Variants in ITFG1 observed in about 807,000 individuals in gnomAD.
ITFG1 encodes the protein T-cell immunomodulatory protein.
In ITFG1, 34 loss-of-function variants were observed where a neutral mutation model predicts 81.8. The observed-to-expected ratio is 0.42, with a 90% CI of 0.32 to 0.55. The LOEUF (loss-of-function observed/expected upper bound fraction) is 0.55, where lower values mean the gene tolerates loss of function less well. Among genes scored for constraint, ITFG1 ranks in the 20% least tolerant of loss-of-function variants. The pLI is 0.17. For synonymous variants in ITFG1, 285 were observed against 270.6 expected (o/e 1.05, Z -0.52); for missense variants, 672 against 755.4 (o/e 0.89, Z 1.29).
intron 5 of ITFG1, chr16:47,449,450 C>T (rs1157483223): frequency 6.6e-6 from 1 of 152,096 alleles, no homozygotes; most frequent in Non-Finnish European, 1.5e-5. Context: ...TATTTGCTGC[C>T]ACAGGGGCAT....
intron 13 of ITFG1, among the ~76,000 whole-genome samples, chr16:47,234,053 G>C (rs74602511): frequency 0.043 from 6,576 of 152,276 alleles, 205 homozygotes; most frequent in Middle Eastern, 0.092. Context: ...GTCTACCTTA[G>C]TTCCCTTTGC....
chr16:47,451,058 T>C (rs1325307980), intron 5 of ITFG1, among the ~76,000 whole-genome samples: 1 of 152,158 alleles, frequency 6.6e-6, no homozygotes, highest in South Asian at 2.1e-4. Flanking sequence ...CTAACATGAC[T>C]AAGGTACTAA....
intron 6 of ITFG1, among the ~76,000 whole-genome samples, chr16:47,418,774 T>C (rs1022168638): frequency 2.0e-5 from 3 of 152,224 alleles, no homozygotes; most frequent in Admixed American, 1.3e-4. Flanking sequence ...TTGTTTTGGT[T>C]ACTATAACTT....
intron 8 of ITFG1, among the ~76,000 whole-genome samples, chr16:47,337,338 G>A (rs923745166): frequency 4.6e-5 from 7 of 152,022 alleles, no homozygotes; most frequent in African/African-American, 7.2e-5. Flanking sequence ...TTGGGAGGCC[G>A]AGGCAGGCAG....
chr16:47,269,608 C>T (rs1336593082), intron 10 of ITFG1, among the ~76,000 whole-genome samples: 3 of 144,556 alleles, frequency 2.1e-5, no homozygotes, highest in African/African-American at 7.7e-5. Flanking sequence ...AAACTAGAAA[C>T]ACTGTTAAAA....
intron 2 of ITFG1, 121 bp from the exon 3 acceptor site, chr16:47,454,279 T>A (rs1969424613): frequency 1.2e-6 from 1 of 806,006 alleles, no homozygotes; most frequent in South Asian, 1.6e-5. Context: ...ACTGACTGAT[T>A]GCCTTCTCTT....
At chr16:47,296,380 T>C (rs1023133591) in intron 10 of ITFG1, among the ~76,000 whole-genome samples, 1 of 152,164 alleles carries the variant, frequency 6.6e-6, no homozygotes, top group Non-Finnish European at 1.5e-5. Flanking sequence ...TTTAATTTCA[T>C]TGTTGATCCA....
At chr16:47,309,817 C>T (rs911015738) in intron 10 of ITFG1, among the ~76,000 whole-genome samples, 1 of 152,132 alleles carries the variant, frequency 6.6e-6, no homozygotes. Context: ...AACAAAAACA[C>T]TGTTGATAAA....
intron 14 of ITFG1, among the ~76,000 whole-genome samples, chr16:47,171,725 GTGTTT>G (rs1288360916): frequency 6.6e-6 from 1 of 151,668 alleles, no homozygotes; most frequent in Admixed American, 6.6e-5. Flanking sequence ...GGTTTTGTTT[GTGTTT>G]TGTTTTTAGT....
chr16:47,325,840 C>T (rs1004494845), intron 8 of ITFG1, among the ~76,000 whole-genome samples: 2 of 152,064 alleles, frequency 1.3e-5, no homozygotes, highest in Non-Finnish European at 2.9e-5. Context: ...AAATAGCTTA[C>T]CAACCAAAAA....
At chr16:47,279,376 T>C (rs1444531382) in intron 10 of ITFG1, among the ~76,000 whole-genome samples, 1 of 152,108 alleles carries the variant, frequency 6.6e-6, no homozygotes, top group Non-Finnish European at 1.5e-5. Context: ...TCCAATACCA[T>C]CTGTTATAAA....
chr16:47,439,833 C>T (rs980548747), intron 5 of ITFG1, among the ~76,000 whole-genome samples: 5 of 152,204 alleles, frequency 3.3e-5, no homozygotes, highest in Admixed American at 6.5e-5. Context: ...TCACACATAA[C>T]AATACTAACC....
chr16:47,182,498 G>A (rs1029746249), intron 14 of ITFG1, among the ~76,000 whole-genome samples: 1 of 151,988 alleles, frequency 6.6e-6, no homozygotes, highest in Non-Finnish European at 1.5e-5. Context: ...TGACCCCCTT[G>A]AGCCTTAGTT....
intron 8 of ITFG1, among the ~76,000 whole-genome samples, chr16:47,352,739 C>T (rs1432629166): frequency 6.6e-6 from 1 of 152,138 alleles, no homozygotes; most frequent in African/African-American, 2.4e-5. Context: ...AATCATGCTG[C>T]TATAAAGACA....
chr16:47,178,953 A>G (rs376381966), intron 14 of ITFG1, among the ~76,000 whole-genome samples: 2 of 151,900 alleles, frequency 1.3e-5, no homozygotes, highest in South Asian at 2.1e-4. Flanking sequence ...AGACATTTAT[A>G]CAGCCAACAG....
rs1420804816 is a variant in ITFG1, at chr16:47,311,512, A to C, written c.898-100T>G. On this transcript the variant is annotated intron_variant, in intron 9 of 17. Transcript: ENST00000320640. ...CCATTAAGTTTTCAAGATAAGCATT[A>C]TTTTACTTAACTTTTTTATCTCTAC... is the stretch of plus-strand genomic sequence containing the variant. The C allele has an allele frequency of 4.4e-6, 4 of 905,378 alleles. No homozygotes were observed. The East Asian group carries it at 1.1e-4, about 26-fold the overall frequency. 56.1% of individuals were successfully genotyped at this position (905,378 alleles called of 1,614,324 possible). A position where few individuals can be genotyped will look rare whatever the true frequency, so the allele number is the denominator to read the frequency against.
intron 14 of ITFG1, among the ~76,000 whole-genome samples, chr16:47,166,487 A>T (rs1206929541): frequency 6.6e-6 from 1 of 152,218 alleles, no homozygotes; most frequent in Admixed American, 6.5e-5. Flanking sequence ...AGTATTATTT[A>T]TGAGTATTTA....
chr16:47,340,151 T>C (rs1007328600), intron 8 of ITFG1, among the ~76,000 whole-genome samples: 2 of 151,888 alleles, frequency 1.3e-5, no homozygotes, highest in Admixed American at 6.6e-5. Flanking sequence ...TATTCCCAGA[T>C]AAAGGCGGAG....
chr16:47,269,507 G>GA (rs909630062), intron 10 of ITFG1, among the ~76,000 whole-genome samples: 29 of 106,682 alleles, frequency 2.7e-4, no homozygotes, highest in South Asian at 3.1e-4. Flanking sequence ...AAAAAAACTT[G>GA]AAAAAAAAAA....
Sources: gnomAD v4.1 joint callset for allele counts (sites outside exome capture counted in the v4.1 genomes callset) on GRCh38, gnomAD v4.1.1 for gene constraint, MANE v1.5 for transcripts, NCBI Gene and HGNC (gene_info 2026-07-23, HGNC 2026-07-21) for gene names.